Variants in FANCI observed in about 807,000 individuals in gnomAD.
FANCI encodes the protein FA complementation group I, also known as Fanconi anemia group I protein.
Under a neutral mutation model 176.1 loss-of-function variants are expected in FANCI, and 156 were observed. The ratio of observed to expected loss-of-function variants is 0.89; its 90% CI spans 0.78 to 1.01. The LOEUF is 1.01. Among genes scored for constraint, FANCI ranks in the 50% least tolerant of loss-of-function variants. The pLI is 0.00. For synonymous variants in FANCI, 613 were observed against 541.7 expected (o/e 1.13, Z -1.83); for missense variants, 1,678 against 1,534.1 (o/e 1.09, Z -1.57).
chr15:89,302,023 G>GAA (rs1372152319), intron 27 of FANCI, among the ~76,000 whole-genome samples: 1 of 152,206 alleles, frequency 6.6e-6, no homozygotes, highest in Non-Finnish European at 1.5e-5. Flanking sequence ...TTCACACACA[G>GAA]AAGAATAAGA....
chr15:89,274,221 C>T lies in FANCI; in HGVS notation c.1029C>T (p.Leu343=). The change falls in exon 12 of 38, where the codon CTC becomes CTT. Residue 343 remains leucine (L), a synonymous_variant. Coordinates refer to ENST00000310775, the MANE Select transcript of FANCI (RefSeq NM_001113378.2). ...TAAAGAGCTTTAAGGATCTTCAACT[C>T]CTCCAAGGCTCAAAATTTCTTCAGA... The part of the protein sequence containing the change: ...SVVKSFKDLQ[L]LQGSKFLQNL... The T allele has an allele frequency of 1.9e-6, 3 of 1,607,426 alleles. No individual in the cohort carries two copies. Among genetic ancestry groups the T allele is most frequent in the African/African-American group, 1.3e-5 (1 of 74,924 alleles).
In FANCI at chr15:89,311,492, G is replaced by A. The variant is rs549334939; in HGVS notation, c.3652-1412G>A. On this transcript the variant is annotated intron_variant, in intron 34 of 37. Transcript: ENST00000310775. ...GATCAGTTGGAATGGGCAGGGAACA[G>A]GGTTGATCTAAGGAGTTCCAACAGG... Among the ~76,000 whole-genome samples the A allele has an allele frequency of 1.5e-4, 23 of 152,102 alleles. No individual in the cohort carries two copies. In the South Asian group the frequency reaches 4.6e-3, roughly 30 times the overall value.
Position 89,260,752 on chromosome 15 carries a change from G to T in FANCI, c.197G>T (p.Arg66Leu). Residue 66 changes from arginine to leucine, a missense_variant, in exon 4 of 38, where the codon CGT (arginine) becomes CTT (leucine). Transcript: ENST00000310775. ...CSEEAGTLRR[R>L]KIYTCCIQLV... ...GAGGAAGCTGGAACACTTAGGAGACGTAAGATATACACTTGTTGTATCCAG... is the reference window on the plus strand; with the variant it reads ...GAGGAAGCTGGAACACTTAGGAGACTTAAGATATACACTTGTTGTATCCAG... 6.2e-7 allele frequency: 1 copy of T among 1,614,002 alleles called. No homozygotes were observed. Among genetic ancestry groups the T allele is most frequent in the South Asian group, 1.1e-5 (1 of 91,080 alleles).
chr15:89,272,013 T>C (rs558193699), intron 10 of FANCI, among the ~76,000 whole-genome samples: 4 of 152,340 alleles, frequency 2.6e-5, no homozygotes, highest in African/African-American at 9.6e-5. Context: ...ATGTTTATAT[T>C]TTTAAGAAAC....
intron 18 of FANCI, among the ~76,000 whole-genome samples, chr15:89,287,869 G>C (rs1030212112): frequency 1.3e-5 from 2 of 150,522 alleles, no homozygotes; most frequent in African/African-American, 5.0e-5. Context: ...ATCTTATATA[G>C]ACACAATTCG....
rs201376236 is a variant in FANCI at position 89,305,235 on chromosome 15, T to A, written c.3179T>A (p.Ile1060Lys). 6.2e-7 allele frequency: 1 copy of A among 1,614,124 alleles called. No homozygotes were observed. The highest frequency in any genetic ancestry group is 8.5e-7 in the Non-Finnish European group (1 of 1,180,052). Residue 1060 changes from isoleucine (I) to lysine (K), a missense_variant, in exon 29 of 38, where the codon ATA (isoleucine) becomes AAA (lysine). Coordinates refer to ENST00000310775, the MANE Select transcript of FANCI (RefSeq NM_001113378.2). ...GATATCCACGGGCATCTGGGAGATA[T>A]AGACCAGGTACTATAATGAGCCTTC... ...SQDIHGHLGD[I>K]DQDVEVEKTN...
intron 17 of FANCI, among the ~76,000 whole-genome samples, chr15:89,284,222 C>T (rs1300953498): frequency 6.6e-6 from 1 of 152,162 alleles, no homozygotes; most frequent in South Asian, 2.1e-4. Context: ...ACATATATTA[C>T]ACCTTGTAAT....
chr15:89,283,179 C>T lies in FANCI; in HGVS notation c.1627C>T (p.Leu543Phe). The change falls in exon 17 of 38, where the codon CTC becomes TTC. Residue 543 changes from leucine (L) to phenylalanine (F), a missense_variant. By Grantham distance (22) the Leu-to-Phe change is conservative. Transcript: ENST00000310775. ...ATCTGCAGTTGCTGGGTTTTTGCTG[C>T]TCCTGAAGAACTTTAAAGTTTTAGG... is the stretch of plus-strand genomic sequence containing the variant. ...RKSAVAGFLL[L>F]LKNFKVLGSL... The T allele has an allele frequency of 1.2e-6, 2 of 1,614,178 alleles. No individual in the cohort carries two copies. The highest frequency in any genetic ancestry group is 1.1e-5 in the South Asian group (1 of 91,084).
Position 89,261,608 on chromosome 15 carries a change from A to T in FANCI, c.312A>T (p.Leu104Phe). The part of the protein sequence containing the change: ...MLEAHHFPGP[L>F]LVELANEFIS... Reference sequence around the variant, plus strand: ...AGGCTCACCATTTTCCAGGACCATTATTGGTTGAATTAGCCAATGAGTTTA... The same window carrying T: ...AGGCTCACCATTTTCCAGGACCATTTTTGGTTGAATTAGCCAATGAGTTTA... Residue 104 changes from leucine (L) to phenylalanine (F), a missense_variant, in exon 5 of 38, where the codon TTA becomes TTT. Leu to Phe is a conservative substitution (Grantham distance 22). Transcript: ENST00000310775. 10 of 1,614,110 alleles carry T rather than the reference A, an allele frequency of 6.2e-6. No homozygotes were observed. The highest frequency in any genetic ancestry group is 8.5e-6 in the Non-Finnish European group (10 of 1,180,010).
intron 25 of FANCI, 146 bp downstream of exon 25, chr15:89,300,112 A>C (rs1464578855): frequency 6.7e-6 from 7 of 1,050,388 alleles, no homozygotes; most frequent in Non-Finnish European, 1.0e-5. Context: ...CAGGATTGGT[A>C]CCTACTGGAT....
chr15:89,306,194 T>C lies in FANCI; in HGVS notation c.3537T>C (p.Tyr1179=), dbSNP rs964069381. ...CCACACTTACAGCCCTTGTCAGATA[T>C]GTGAGTATTTGAGACAAGCAGATTC... The part of the protein sequence containing the change: ...MYTTLTALVR[Y]YLQVCQSSGG... Residue 1179 remains tyrosine (Y), a splice_region_variant and synonymous_variant, in exon 32 of 38, where the codon TAT becomes TAC. Transcript: ENST00000310775. 9.9e-6 allele frequency: 16 copies of C among 1,613,894 alleles called. No homozygotes were observed. The highest frequency in any genetic ancestry group is 2.7e-5 in the African/African-American group (2 of 74,914).
At chr15:89,266,355 G>C (rs2052961029) in intron 9 of FANCI, among the ~76,000 whole-genome samples, 1 of 142,996 alleles carries the variant, frequency 7.0e-6, no homozygotes, top group Non-Finnish European at 1.5e-5. Flanking sequence ...TTGAGAGGAA[G>C]TCTCACTGTG....
At chr15:89,265,456 C>T (rs757539005) in intron 9 of FANCI, among the ~76,000 whole-genome samples, 2 of 152,084 alleles carry the variant, frequency 1.3e-5, no homozygotes, top group Non-Finnish European at 2.9e-5. Context: ...ATTCACCCTC[C>T]TCGGTCTCTC....
intron 34 of FANCI, 70 bp from the exon 35 acceptor site, chr15:89,312,834 A>G (rs2151989788): frequency 8.0e-7 from 1 of 1,242,438 alleles, no homozygotes. Context: ...AAAAAAAAAA[A>G]ATTAGCACTA....
intron 24 of FANCI, among the ~76,000 whole-genome samples, chr15:89,299,231 C>T (rs1228355121): frequency 6.6e-6 from 1 of 151,628 alleles, no homozygotes; most frequent in Non-Finnish European, 1.5e-5. Flanking sequence ...GTAATCTTAT[C>T]TCTATTCAAA....
intron 18 of FANCI, among the ~76,000 whole-genome samples, chr15:89,288,841 T>C (rs1350633718): frequency 6.6e-6 from 1 of 151,990 alleles, no homozygotes; most frequent in Admixed American, 6.6e-5. Flanking sequence ...GGTCTCACTT[T>C]GTTGCCCAGG....
intron 2 of FANCI, among the ~76,000 whole-genome samples, chr15:89,253,612 C>T (rs2052362070): frequency 6.6e-6 from 1 of 152,044 alleles, no homozygotes; most frequent in Non-Finnish European, 1.5e-5. Flanking sequence ...AGCTTTCTAA[C>T]TGTCATACAA....
rs2053603881 is a variant in FANCI at position 89,281,265 on chromosome 15, C to T, written c.1477C>T (p.Leu493Phe). 3 of 1,613,772 alleles carry T rather than the reference C, an allele frequency of 1.9e-6. No individual in the cohort carries two copies. The highest frequency in any genetic ancestry group is 1.3e-5 in the African/African-American group (1 of 74,926). Reference sequence around the variant, plus strand: ...TTTTGACTATTTGTCCTTTCTGCCCCTTCAGACTGTACAAAGGCTGCTTAA... The same window carrying T: ...TTTTGACTATTTGTCCTTTCTGCCCTTTCAGACTGTACAAAGGCTGCTTAA... ...EAFDYLSFLPLQTVQRLLKAV... is the reference protein window; with the variant it reads ...EAFDYLSFLPFQTVQRLLKAV... Residue 493 changes from leucine to phenylalanine, a missense_variant, in exon 15 of 38, where the codon CTT becomes TTT. Coordinates refer to ENST00000310775, the MANE Select transcript of FANCI (RefSeq NM_001113378.2).
chr15:89,260,777 G>C lies in FANCI; in HGVS notation c.222G>C (p.Gln74His), dbSNP rs760939298. 4.3e-6 allele frequency: 7 copies of C among 1,613,928 alleles called. No individual in the cohort carries two copies. Among genetic ancestry groups the C allele is most frequent in the Non-Finnish European group, 8.5e-7 (1 of 1,179,936 alleles). ...GTAAGATATACACTTGTTGTATCCA[G>C]TTGGTGGAATCGGGGGATTTGCAGA... ...RRRKIYTCCIQLVESGDLQKE... is the reference protein window; with the variant it reads ...RRRKIYTCCIHLVESGDLQKE... Residue 74 changes from glutamine (Q) to histidine (H), a missense_variant, in exon 4 of 38, where the codon CAG (glutamine) becomes CAC (histidine). Coordinates refer to ENST00000310775, the MANE Select transcript of FANCI (RefSeq NM_001113378.2).
Sources: allele counts gnomAD v4.1 joint callset (sites outside exome capture counted in the v4.1 genomes callset), GRCh38; gene constraint gnomAD v4.1.1; transcripts MANE v1.5; gene names NCBI Gene and HGNC (gene_info 2026-07-23, HGNC 2026-07-21).